PPP2R2B: variants seen among roughly 807,000 people sequenced by gnomAD.
The protein encoded by PPP2R2B is protein phosphatase 2 regulatory subunit Bbeta, also known as serine/threonine-protein phosphatase 2A 55 kDa regulatory subunit B beta isoform.
In PPP2R2B, 5 loss-of-function variants were observed where a neutral mutation model predicts 46.0. The observed-to-expected ratio is 0.11, with a 90% CI of 0.06 to 0.23. PPP2R2B has a LOEUF of 0.23. PPP2R2B is among the 10% of genes least tolerant of loss of function. The pLI is 1.00. For synonymous variants in PPP2R2B, 215 were observed against 206.7 expected, an observed-to-expected ratio of 1.04 and a Z score of -0.34; for missense variants, 367 against 575.0, an observed-to-expected ratio of 0.64 and a Z score of 3.70.
chr5:146,641,735 G>C (rs1216107845), intron 6 of PPP2R2B, among the ~76,000 whole-genome samples: 2 of 152,100 alleles, frequency 1.3e-5, no homozygotes, highest in African/African-American at 4.8e-5. Context: ...GGCGATCCAT[G>C]TTTTCAGCAT....
At chr5:146,677,927 C>A (rs1413839567) in intron 5 of PPP2R2B, among the ~76,000 whole-genome samples, 1 of 152,142 alleles carries the variant, frequency 6.6e-6, no homozygotes, top group African/African-American at 2.4e-5. Context: ...TGTATGGAAT[C>A]CTTTTTAAAT....
chr5:146,600,507 C>T, intron 7 of PPP2R2B, 47 bp from the exon 8 acceptor site: 1 of 1,584,198 alleles, frequency 6.3e-7, no homozygotes, highest in Non-Finnish European at 8.6e-7. Context: ...TCCTTATCAA[C>T]TGACTCTAAC....
intron 1 of PPP2R2B, among the ~76,000 whole-genome samples, chr5:146,931,797 A>G (rs1389720041): frequency 2.0e-5 from 3 of 152,162 alleles, no homozygotes; most frequent in Non-Finnish European, 2.9e-5. Flanking sequence ...GTTTACAGTG[A>G]GTTGACTATA....
Position 146,658,197 on chromosome 5 carries a change from C to A in PPP2R2B, c.448-7473G>T, listed in dbSNP as rs1776459048. Among the ~76,000 whole-genome samples the A allele has an allele frequency of 2.6e-5, 4 of 152,134 alleles. No homozygotes were observed. In the South Asian group the frequency reaches 6.2e-4, roughly 24 times the overall value. On this transcript the variant is annotated intron_variant, in intron 5 of 9. Transcript: ENST00000394411. ...CCACCTCATCCTAGGTATACGGAAA[C>A]CCTGACCCTGGTGCTCTGGGACCAC... is the stretch of plus-strand genomic sequence containing the variant.
At chr5:146,825,858 G>A (rs1315573449) in intron 2 of PPP2R2B, among the ~76,000 whole-genome samples, 1 of 152,140 alleles carries the variant, frequency 6.6e-6, no homozygotes, top group Non-Finnish European at 1.5e-5. Context: ...TTTGTTGTTG[G>A]TATCACATGT....
At chr5:147,055,408 T>G (rs1018716191) in intron 1 of PPP2R2B, among the ~76,000 whole-genome samples, 2 of 152,246 alleles carry the variant, frequency 1.3e-5, no homozygotes, top group Non-Finnish European at 2.9e-5. Context: ...AAAATATTTC[T>G]GAGTTATTTT....
At chr5:146,945,928 T>C (rs937731279) in intron 1 of PPP2R2B, among the ~76,000 whole-genome samples, 3 of 152,170 alleles carry the variant, frequency 2.0e-5, no homozygotes, top group Admixed American at 1.3e-4. Context: ...TGTCGTCAGC[T>C]GCTGGCAACT....
At position 146,583,779 on chromosome 5, in the gene PPP2R2B, C is replaced by T. The variant is rs547989709; in HGVS notation, c.*6168G>A. 11 of 152,340 alleles carry T rather than the reference C, an allele frequency of 7.2e-5. No individual in the cohort carries two copies. The highest frequency in any genetic ancestry group is 5.9e-4 in the Admixed American group (9 of 15,298). The allele number at this position is 152,340 out of a possible 1,614,324, so 9.4% of individuals were successfully genotyped here. ...CAAAATGTTGCTTTTCCTTTTACCACTGAGGAAAGCCCCTGTTCCCTTCTA... is the reference window on the plus strand; with the variant it reads ...CAAAATGTTGCTTTTCCTTTTACCATTGAGGAAAGCCCCTGTTCCCTTCTA... On this transcript the variant is annotated 3_prime_UTR_variant, in exon 10 of 10. Coordinates refer to ENST00000394411, the MANE Select transcript of PPP2R2B (RefSeq NM_181675.4).
chr5:146,689,563 C>T (rs1778711876), intron 5 of PPP2R2B, among the ~76,000 whole-genome samples: 1 of 152,154 alleles, frequency 6.6e-6, no homozygotes, highest in Non-Finnish European at 1.5e-5. Flanking sequence ...GATGTTTTCA[C>T]AACAATGAAG....
intron 8 of PPP2R2B, among the ~76,000 whole-genome samples, chr5:146,594,881 G>A (rs1049217115): frequency 1.3e-5 from 2 of 152,200 alleles, no homozygotes; most frequent in Non-Finnish European, 2.9e-5. Flanking sequence ...TTTAAGTTAA[G>A]AGTGATGATT....
chr5:147,079,058 CAA>C (rs1757889323), intron 2 of PPP2R2B, among the ~76,000 whole-genome samples: 1 of 152,008 alleles, frequency 6.6e-6, no homozygotes, highest in African/African-American at 2.4e-5. Flanking sequence ...AGAAGACACT[CAA>C]AAATCTTCTT....
chr5:146,758,513 T>C (rs1753970903), intron 2 of PPP2R2B, among the ~76,000 whole-genome samples: 1 of 152,190 alleles, frequency 6.6e-6, no homozygotes, highest in South Asian at 2.1e-4. Context: ...TACATGACAT[T>C]TAAAAATATT....
chr5:146,780,620 T>C (rs974345759), intron 2 of PPP2R2B, among the ~76,000 whole-genome samples: 3 of 152,190 alleles, frequency 2.0e-5, no homozygotes, highest in Admixed American at 6.5e-5. Context: ...TTTGTTCTAG[T>C]GCCTGGCTAG....
chr5:146,698,385 T>C (rs1475295219), intron 3 of PPP2R2B, among the ~76,000 whole-genome samples: 1 of 144,110 alleles, frequency 6.9e-6, no homozygotes, highest in Non-Finnish European at 1.5e-5. Context: ...TGAACTTCTG[T>C]ACTATCATAT....
chr5:146,902,656 C>CCA (rs1762871790), intron 1 of PPP2R2B, among the ~76,000 whole-genome samples: 1 of 152,186 alleles, frequency 6.6e-6, no homozygotes, highest in Non-Finnish European at 1.5e-5. Context: ...TATTGACAGA[C>CCA]TAATTGTCCC....
Position 146,638,465 on chromosome 5 carries a change from G to C in PPP2R2B, c.626-50C>G, listed in dbSNP as rs766445648. ...AACCAGGAGAAGGAGGCAGGAACTT[G>C]GGGAAGGGGAGAATTAGCAATGGCA... On this transcript the variant is annotated intron_variant, in intron 6 of 9. Coordinates refer to ENST00000394411, the MANE Select transcript of PPP2R2B (RefSeq NM_181675.4). The C allele has an allele frequency of 1.0e-5, 15 of 1,506,520 alleles. No individual in the cohort carries two copies. In the East Asian group the frequency reaches 3.5e-4, roughly 35 times the overall value. 93.3% of individuals were successfully genotyped at this position (1,506,520 alleles called of 1,614,324 possible).
chr5:146,795,312 T>C (rs914996528), intron 2 of PPP2R2B, among the ~76,000 whole-genome samples: 1 of 152,070 alleles, frequency 6.6e-6, no homozygotes, highest in African/African-American at 2.4e-5. Context: ...ACAGATTAAT[T>C]AATAAAGAAA....
intron 1 of PPP2R2B, among the ~76,000 whole-genome samples, chr5:147,034,213 T>C (rs916609918): frequency 2.6e-5 from 4 of 152,180 alleles, no homozygotes; most frequent in Non-Finnish European, 2.9e-5. Flanking sequence ...CTGGTTTTTG[T>C]ATGGCTGATG....
chr5:146,976,873 C>A (rs893125219), intron 1 of PPP2R2B, among the ~76,000 whole-genome samples: 2 of 152,118 alleles, frequency 1.3e-5, no homozygotes, highest in Non-Finnish European at 2.9e-5. Flanking sequence ...CCATCAACAC[C>A]TTCCTACCCA....
Sources: gnomAD v4.1 joint callset for allele counts (sites outside exome capture counted in the v4.1 genomes callset) on GRCh38, gnomAD v4.1.1 for gene constraint, MANE v1.5 for transcripts, NCBI Gene and HGNC (gene_info 2026-07-23, HGNC 2026-07-21) for gene names.